The following DPP6 variants were observed in gnomAD, a reference collection of about 807,000 sequenced individuals.
The protein encoded by DPP6 is dipeptidyl peptidase like 6, also known as A-type potassium channel modulatory protein DPP6.
In DPP6, 69 loss-of-function variants were observed where a neutral mutation model predicts 122.6. The ratio of observed to expected loss-of-function variants is 0.56; its 90% CI spans 0.46 to 0.69. The LOEUF is 0.69. DPP6 is among the 30% of genes least tolerant of loss of function. DPP6 has a pLI of 0.00. For missense variants in DPP6, 928 were observed against 1,116.9 expected, an observed-to-expected ratio of 0.83 and a Z score of 2.41; for synonymous variants, 418 against 433.1, an observed-to-expected ratio of 0.97 and a Z score of 0.43.
At chr7:154,842,883 G>A (rs539057808) in intron 16 of DPP6, among the ~76,000 whole-genome samples, 12 of 152,350 alleles carry the variant, frequency 7.9e-5, no homozygotes, top group Non-Finnish European at 4.4e-5. Flanking sequence ...CATCAGGGCT[G>A]TTGTTGCATG....
chr7:153,921,758 AC>A (rs1800648042), intron 1 of DPP6, among the ~76,000 whole-genome samples: 1 of 152,238 alleles, frequency 6.6e-6, no homozygotes, highest in African/African-American at 2.4e-5. Context: ...CTGGATTAGG[AC>A]ACATCACTTA....
rs192577889 is a variant in DPP6 at position 154,212,412 on chromosome 7, A to C, written c.243+159349A>C. Among the ~76,000 whole-genome samples the C allele has an allele frequency of 2.6e-5, 4 of 152,346 alleles. No individual in the cohort carries two copies. The East Asian group carries it at 5.8e-4, about 22-fold the overall frequency. ...AATGAGGCTTCAGAATGCTCACAAAACAAGGACTCTATTTGCCTTAAATAA... is the reference window on the plus strand; with the variant it reads ...AATGAGGCTTCAGAATGCTCACAAACCAAGGACTCTATTTGCCTTAAATAA... On this transcript the variant is annotated intron_variant, in intron 1 of 25. Coordinates refer to ENST00000377770, the MANE Select transcript of DPP6 (RefSeq NM_130797.4).
At chr7:153,786,740 GAA>G in the DPP6 span, among the ~76,000 whole-genome samples, 15 of 31,806 alleles carry the variant, frequency 4.7e-4, no homozygotes, top group African/African-American at 1.2e-3. Context: ...CTCCGTCTCA[GAA>G]AAAAAAAAAA....
At chr7:154,845,327 T>G (rs1584875945) in intron 16 of DPP6, among the ~76,000 whole-genome samples, 1 of 152,218 alleles carries the variant, frequency 6.6e-6, no homozygotes, top group Non-Finnish European at 1.5e-5. Flanking sequence ...GTGTGACACT[T>G]GCTATTATTG....
intron 4 of DPP6, among the ~76,000 whole-genome samples, chr7:154,565,494 A>G (rs1347566859): frequency 1.3e-5 from 2 of 152,108 alleles, no homozygotes; most frequent in African/African-American, 4.8e-5. Flanking sequence ...TGCATGAGAA[A>G]ACTAAGGTGC....
chr7:154,035,967 G>C (rs1563120343), intron 1 of DPP6, among the ~76,000 whole-genome samples: 1 of 151,994 alleles, frequency 6.6e-6, no homozygotes. Flanking sequence ...AGTGAAAGGA[G>C]AGTATGGCAT....
the DPP6 span, among the ~76,000 whole-genome samples, chr7:153,799,875 A>G: frequency 6.6e-6 from 1 of 152,222 alleles, no homozygotes; most frequent in Non-Finnish European, 1.5e-5. Context: ...GTAACAAGGC[A>G]TATTATAAGA....
chr7:154,711,045 C>T (rs1331641461), intron 7 of DPP6, among the ~76,000 whole-genome samples: 3 of 152,074 alleles, frequency 2.0e-5, no homozygotes, highest in Non-Finnish European at 2.9e-5. Context: ...TCAAGAGAAG[C>T]CGTGGAATAG....
chr7:153,794,788 G>A, the DPP6 span, among the ~76,000 whole-genome samples: 17 of 152,220 alleles, frequency 1.1e-4, no homozygotes, highest in Middle Eastern at 3.4e-3. Flanking sequence ...TTAAATCATG[G>A]GGACTGGTGT....
chr7:154,738,396 T>C (rs1842666122), intron 8 of DPP6, among the ~76,000 whole-genome samples: 1 of 152,368 alleles, frequency 6.6e-6, no homozygotes, highest in Non-Finnish European at 1.5e-5. Flanking sequence ...ATTGCCATGG[T>C]GACCAGTCGG....
At chr7:154,551,530 C>G (rs1829635531) in intron 4 of DPP6, among the ~76,000 whole-genome samples, 1 of 152,044 alleles carries the variant, frequency 6.6e-6, no homozygotes, top group East Asian at 1.9e-4. Context: ...ATCTATTTTA[C>G]CAATGCCAGT....
intron 10 of DPP6, among the ~76,000 whole-genome samples, chr7:154,778,556 C>A (rs917404361): frequency 7.5e-6 from 1 of 132,836 alleles, no homozygotes; most frequent in Admixed American, 7.2e-5. Flanking sequence ...GGCTTGAGCA[C>A]CCCCCCCCAA....
rs573416766 is a variant in DPP6, at chr7:154,872,013, A to T, written c.1814-611A>T. Among the ~76,000 whole-genome samples the T allele has an allele frequency of 4.6e-5, 7 of 152,226 alleles. No homozygotes were observed. In the South Asian group the frequency reaches 1.2e-3, roughly 27 times the overall value. On this transcript the variant is annotated intron_variant, in intron 18 of 25. Transcript: ENST00000377770. ...ATCCAGTGACCTTGGTAGCCACGGG[A>T]TCCAATGGGCTGTACCATCCTTCCC...
intron 1 of DPP6, among the ~76,000 whole-genome samples, chr7:154,033,089 A>C (rs1799341592): frequency 6.6e-6 from 1 of 152,068 alleles, no homozygotes; most frequent in African/African-American, 2.4e-5. Flanking sequence ...CTGGGTGGTA[A>C]GTGATTTCCC....
intron 5 of DPP6, among the ~76,000 whole-genome samples, chr7:154,626,468 A>T (rs745484753): frequency 2.0e-5 from 3 of 152,214 alleles, no homozygotes; most frequent in Admixed American, 6.5e-5. Flanking sequence ...TTGCAAAAAG[A>T]AGGCATTCTA....
chr7:154,082,449 T>A (rs4725521), intron 1 of DPP6, among the ~76,000 whole-genome samples: 1 of 151,666 alleles, frequency 6.6e-6, no homozygotes, highest in South Asian at 2.1e-4. Flanking sequence ...GGAGTAATAC[T>A]GCTGAGAGTC....
chr7:154,587,645 T>C, intron 5 of DPP6: 3 of 1,543,602 alleles, frequency 1.9e-6, no homozygotes, highest in Non-Finnish European at 2.6e-6. Context: ...TCTCCCACTT[T>C]ACAGATGAAG....
At chr7:154,328,733 G>A (rs1394427302) in intron 1 of DPP6, among the ~76,000 whole-genome samples, 2 of 152,178 alleles carry the variant, frequency 1.3e-5, no homozygotes, top group African/African-American at 2.4e-5. Context: ...GGTATTAGGG[G>A]CAGGAACCAG....
chr7:154,648,904 C>T (rs1371837448), intron 6 of DPP6, among the ~76,000 whole-genome samples: 2 of 127,284 alleles, frequency 1.6e-5, no homozygotes, highest in African/African-American at 3.0e-5. Context: ...GGCAACAGAG[C>T]GAGACTCCAT....
Sources: gnomAD v4.1 joint callset for allele counts (sites outside exome capture counted in the v4.1 genomes callset) on GRCh38, gnomAD v4.1.1 for gene constraint, MANE v1.5 for transcripts, NCBI Gene and HGNC (gene_info 2026-07-23, HGNC 2026-07-21) for gene names.